The following PLCL1 variants were observed in gnomAD, a reference collection of about 807,000 sequenced individuals.
PLCL1 encodes phospholipase C like 1 (inactive).
A neutral mutation model predicts 84.4 loss-of-function variants in PLCL1; 41 were observed. The ratio of observed to expected loss-of-function variants is 0.49; its 90% confidence interval spans 0.38 to 0.63. PLCL1 has a LOEUF of 0.63. Ranked by LOEUF, PLCL1 falls within the 30% of genes least tolerant of loss-of-function variation. PLCL1 has a pLI of 0.00. For missense variants in PLCL1, 1,206 were observed against 1,367.8 expected (o/e 0.88, Z 1.87); for synonymous variants, 490 against 488.3 (o/e 1.00, Z -0.05).
intron 1 of PLCL1, among the ~76,000 whole-genome samples, chr2:198,073,888 TAA>T (rs1189516873): frequency 3.3e-5 from 5 of 152,212 alleles, no homozygotes; most frequent in African/African-American, 9.6e-5. Context: ...TATTATTTCT[TAA>T]GTTTGAATAG....
intron 1 of PLCL1, among the ~76,000 whole-genome samples, chr2:197,942,521 C>T (rs560050749): frequency 2.4e-4 from 36 of 152,240 alleles, no homozygotes; most frequent in Middle Eastern, 3.4e-3. Context: ...ATCAATTTCT[C>T]CCTATAGCAG....
At chr2:198,035,451 A>T (rs1485232153) in intron 1 of PLCL1, among the ~76,000 whole-genome samples, 1 of 152,226 alleles carries the variant, frequency 6.6e-6, no homozygotes, top group Non-Finnish European at 1.5e-5. Context: ...GAACAAGATA[A>T]GCCTGGAACA....
intron 1 of PLCL1, among the ~76,000 whole-genome samples, chr2:197,877,635 G>C (rs1687759817): frequency 6.6e-6 from 1 of 152,026 alleles, no homozygotes; most frequent in Non-Finnish European, 1.5e-5. Context: ...GATCTGCCCA[G>C]GCCTGACTGG....
chr2:197,864,627 T>C (rs1052834049), intron 1 of PLCL1, among the ~76,000 whole-genome samples: 4 of 151,872 alleles, frequency 2.6e-5, no homozygotes, highest in African/African-American at 7.3e-5. Flanking sequence ...ACTACAGGTG[T>C]GTGCCACCAT....
intron 1 of PLCL1, among the ~76,000 whole-genome samples, chr2:197,982,332 A>G (rs889279669): frequency 6.6e-6 from 1 of 152,120 alleles, no homozygotes; most frequent in African/African-American, 2.4e-5. Flanking sequence ...TTCCACTTTT[A>G]TTGATAACCA....
chr2:198,077,496 T>C (rs561063115), intron 1 of PLCL1, among the ~76,000 whole-genome samples: 1 of 152,176 alleles, frequency 6.6e-6, no homozygotes, highest in Non-Finnish European at 1.5e-5. Context: ...CTCATTCTCC[T>C]GGTTTTCTTA....
chr2:197,814,721 A>G (rs1479502342), intron 1 of PLCL1, among the ~76,000 whole-genome samples: 1 of 152,168 alleles, frequency 6.6e-6, no homozygotes, highest in Admixed American at 6.5e-5. Context: ...GCTTGAAGGA[A>G]ATTAAAAGTG....
intron 3 of PLCL1, among the ~76,000 whole-genome samples, chr2:198,096,568 G>A (rs1362770687): frequency 1.3e-5 from 2 of 152,232 alleles, no homozygotes; most frequent in Non-Finnish European, 2.9e-5. Flanking sequence ...GGTTGCAACT[G>A]TAAGAAATAA....
At chr2:197,900,554 A>C (rs1260150320) in intron 1 of PLCL1, among the ~76,000 whole-genome samples, 1 of 152,224 alleles carries the variant, frequency 6.6e-6, no homozygotes, top group Non-Finnish European at 1.5e-5. Context: ...GTGTGAAAGA[A>C]TAGTCCTTGG....
chr2:198,107,778 G>T (rs185889538), intron 5 of PLCL1, among the ~76,000 whole-genome samples: 2 of 151,994 alleles, frequency 1.3e-5, no homozygotes, highest in Non-Finnish European at 2.9e-5. Context: ...AGACAGAATT[G>T]ATTTTCTATT....
chr2:198,144,344 G>T (rs1233471847), intron 5 of PLCL1, among the ~76,000 whole-genome samples: 1 of 152,060 alleles, frequency 6.6e-6, no homozygotes, highest in Admixed American at 6.6e-5. Context: ...ATTACTAATA[G>T]ATTTTTTATA....
At chr2:198,000,466 T>C (rs888491415) in intron 1 of PLCL1, among the ~76,000 whole-genome samples, 55 of 152,168 alleles carry the variant, frequency 3.6e-4, no homozygotes, top group African/African-American at 1.3e-3. Flanking sequence ...TATCCCTTCT[T>C]TCCCAGGGAA....
At chr2:197,906,247 G>A (rs1284832874) in intron 1 of PLCL1, among the ~76,000 whole-genome samples, 1 of 152,024 alleles carries the variant, frequency 6.6e-6, no homozygotes, top group African/African-American at 2.4e-5. Flanking sequence ...TTTGTGTAAG[G>A]TGTAAGGAAG....
chr2:197,947,237 A>AATAT (rs55700681), intron 1 of PLCL1, among the ~76,000 whole-genome samples: 28,504 of 142,472 alleles, frequency 0.2, 2,888 homozygotes, highest in African/African-American at 0.25. Context: ...TGCTTAGATA[A>AATAT]ATATATATAT....
At chr2:197,972,934 T>C (rs1396853257) in intron 1 of PLCL1, among the ~76,000 whole-genome samples, 1 of 152,176 alleles carries the variant, frequency 6.6e-6, no homozygotes, top group Non-Finnish European at 1.5e-5. Flanking sequence ...AGAAGGGTTG[T>C]AGTGATTGAT....
chr2:198,046,433 C>T (rs538537656), intron 1 of PLCL1, among the ~76,000 whole-genome samples: 6 of 152,274 alleles, frequency 3.9e-5, no homozygotes, highest in South Asian at 2.1e-4. Flanking sequence ...GCGTGAGCGA[C>T]GCAGAAGACG....
intron 1 of PLCL1, among the ~76,000 whole-genome samples, chr2:198,077,572 T>C (rs1185506462): frequency 1.3e-5 from 2 of 152,154 alleles, no homozygotes; most frequent in Admixed American, 6.5e-5. Flanking sequence ...GGTGTTCCTC[T>C]GGGTTTAGCT....
chr2:198,075,398 T>C (rs747070683), intron 1 of PLCL1, among the ~76,000 whole-genome samples: 2 of 152,234 alleles, frequency 1.3e-5, no homozygotes, highest in Non-Finnish European at 2.9e-5. Context: ...GTTGTCACCC[T>C]CATTTTGTTC....
chr2:198,050,981 T>G (rs1691913429), intron 1 of PLCL1, among the ~76,000 whole-genome samples: 1 of 152,176 alleles, frequency 6.6e-6, no homozygotes, highest in African/African-American at 2.4e-5. Context: ...TATAATTATT[T>G]GAAGGGAAAA....
Sources: allele counts gnomAD v4.1 joint callset (sites outside exome capture counted in the v4.1 genomes callset), GRCh38; gene constraint gnomAD v4.1.1; transcripts MANE v1.5; gene names NCBI Gene and HGNC (gene_info 2026-07-23, HGNC 2026-07-21).